The following SLC24A3 variants were observed in gnomAD, a reference collection of about 807,000 sequenced individuals.
SLC24A3 encodes the protein solute carrier family 24 member 3, also known as sodium/potassium/calcium exchanger 3.
SLC24A3 carries 28 observed loss-of-function variants against 75.8 expected under a neutral mutation model. That is an observed-to-expected ratio of 0.37 (90% CI 0.27 to 0.51). The LOEUF is 0.51. Among genes scored for constraint, SLC24A3 ranks in the 20% least tolerant of loss-of-function variants. SLC24A3 has a pLI of 0.94. For missense variants in SLC24A3, 663 were observed against 847.8 expected, an observed-to-expected ratio of 0.78 and a Z score of 2.71; for synonymous variants, 372 against 334.1, an observed-to-expected ratio of 1.11 and a Z score of -1.24.
intron 6 of SLC24A3, among the ~76,000 whole-genome samples, chr20:19,646,852 C>T (rs2328415): frequency 0.66 from 99,231 of 150,816 alleles, 33,240 homozygotes; most frequent in African/African-American, 0.77. Context: ...TGTGTGTGTG[C>T]GTGTGTGTGT....
At chr20:19,562,421 A>G (rs1015470456) in intron 3 of SLC24A3, among the ~76,000 whole-genome samples, 2 of 152,154 alleles carry the variant, frequency 1.3e-5, no homozygotes, top group Admixed American at 6.5e-5. Context: ...CCAGGTACCA[A>G]GGTTTCCCTG....
At chr20:19,279,101 G>A (rs1000655621) in intron 1 of SLC24A3, among the ~76,000 whole-genome samples, 1 of 152,232 alleles carries the variant, frequency 6.6e-6, no homozygotes, top group African/African-American at 2.4e-5. Flanking sequence ...GGTGTTGTGA[G>A]GTTTGAATTC....
intron 6 of SLC24A3, among the ~76,000 whole-genome samples, chr20:19,628,972 CAACA>C (rs937341716): frequency 2.9e-5 from 4 of 138,810 alleles, no homozygotes; most frequent in African/African-American, 5.0e-5. Flanking sequence ...AAAACAACAA[CAACA>C]AACAAACAAA....
chr20:19,341,053 A>G (rs1040962799), intron 2 of SLC24A3, among the ~76,000 whole-genome samples: 3 of 152,210 alleles, frequency 2.0e-5, no homozygotes, highest in Admixed American at 1.3e-4. Flanking sequence ...GGATGAGTGC[A>G]CCAAGGTCTG....
intron 2 of SLC24A3, among the ~76,000 whole-genome samples, chr20:19,491,415 G>A (rs564493165): frequency 6.6e-6 from 1 of 152,316 alleles, no homozygotes; most frequent in Admixed American, 6.5e-5. Context: ...GTGTTCCTGA[G>A]TTGGTTGAAC....
intron 1 of SLC24A3, among the ~76,000 whole-genome samples, chr20:19,248,286 C>T (rs1311097538): frequency 2.0e-5 from 3 of 152,140 alleles, no homozygotes; most frequent in Admixed American, 6.6e-5. Context: ...CCCCGCATCC[C>T]GTTCATCATG....
intron 4 of SLC24A3, among the ~76,000 whole-genome samples, chr20:19,582,482 G>A (rs2031231746): frequency 6.6e-6 from 1 of 152,232 alleles, no homozygotes; most frequent in Admixed American, 6.5e-5. Flanking sequence ...GCAGAAAAAT[G>A]TGGGGTTCAG....
chr20:19,310,096 A>T (rs960538237), intron 2 of SLC24A3, among the ~76,000 whole-genome samples: 3 of 152,216 alleles, frequency 2.0e-5, no homozygotes, highest in Non-Finnish European at 2.9e-5. Flanking sequence ...CGTGGAGTTC[A>T]TTCCATCTTC....
chr20:19,617,997 T>G (rs1456392089), intron 6 of SLC24A3, among the ~76,000 whole-genome samples: 26 of 139,016 alleles, frequency 1.9e-4, no homozygotes, highest in Admixed American at 1.4e-4. Flanking sequence ...TTGTTTTTTG[T>G]TTTTTTTTTC....
intron 4 of SLC24A3, among the ~76,000 whole-genome samples, chr20:19,584,537 G>T (rs1321524800): frequency 6.6e-6 from 1 of 152,114 alleles, no homozygotes; most frequent in African/African-American, 2.4e-5. Flanking sequence ...AGGGAACTGG[G>T]CAATGCTGCC....
At chr20:19,238,589 A>G (rs912630924) in intron 1 of SLC24A3, among the ~76,000 whole-genome samples, 4 of 152,234 alleles carry the variant, frequency 2.6e-5, no homozygotes, top group African/African-American at 9.6e-5. Context: ...ATTTTAAAGC[A>G]AAGTGGATGC....
At chr20:19,582,176 T>C (rs2031227038) in intron 4 of SLC24A3, among the ~76,000 whole-genome samples, 1 of 152,244 alleles carries the variant, frequency 6.6e-6, no homozygotes, top group Non-Finnish European at 1.5e-5. Context: ...AGTTACACTT[T>C]CTCACAAGAT....
chr20:19,705,119 A>G (rs933005074), intron 15 of SLC24A3, among the ~76,000 whole-genome samples: 11 of 152,184 alleles, frequency 7.2e-5, no homozygotes, highest in African/African-American at 2.7e-4. Context: ...GGGTCTGCTT[A>G]TTAATGCTTA....
At chr20:19,451,122 A>T (rs978540289) in intron 2 of SLC24A3, among the ~76,000 whole-genome samples, 3 of 152,232 alleles carry the variant, frequency 2.0e-5, no homozygotes, top group African/African-American at 7.2e-5. Flanking sequence ...GGAACTTATG[A>T]TTTATGTATT....
intron 6 of SLC24A3, among the ~76,000 whole-genome samples, chr20:19,626,036 A>G (rs1474884394): frequency 6.6e-6 from 1 of 152,142 alleles, no homozygotes; most frequent in African/African-American, 2.4e-5. Flanking sequence ...CCACCTGACT[A>G]TGGCTTTATA....
In SLC24A3 at chr20:19,711,334, C is replaced by A. The variant is rs775223674; in HGVS notation, c.1720-6194C>A. On this transcript the variant is annotated intron_variant, in intron 15 of 16. Coordinates refer to ENST00000328041, the MANE Select transcript of SLC24A3 (RefSeq NM_020689.4). ...ATACAAACGCACACACATGCATGCA[C>A]ACGTGCAAACATACCACACACATGC... Among the ~76,000 whole-genome samples the A allele has an allele frequency of 7.7e-4, 117 of 151,516 alleles. 2 individuals carry two copies. Among genetic ancestry groups the A allele is most frequent in the Non-Finnish European group, 7.4e-4 (50 of 67,936 alleles).
At chr20:19,270,871 G>C (rs183702414) in intron 1 of SLC24A3, among the ~76,000 whole-genome samples, 123 of 152,244 alleles carry the variant, frequency 8.1e-4, no homozygotes, top group African/African-American at 2.9e-3. Context: ...ATCAGGTGGG[G>C]TCAGTCAACA....
chr20:19,705,965 CT>C (rs2032925677), intron 15 of SLC24A3, among the ~76,000 whole-genome samples: 1 of 152,196 alleles, frequency 6.6e-6, no homozygotes. Flanking sequence ...TGATGAACGT[CT>C]GTTCCACAAG....
intron 3 of SLC24A3, among the ~76,000 whole-genome samples, chr20:19,530,681 C>T (rs2030280869): frequency 1.3e-5 from 2 of 152,190 alleles, no homozygotes; most frequent in Non-Finnish European, 2.9e-5. Flanking sequence ...AAGCATCCAT[C>T]CCTAGACAGC....
Sources: gnomAD v4.1 joint callset for allele counts (sites outside exome capture counted in the v4.1 genomes callset) on GRCh38, gnomAD v4.1.1 for gene constraint, MANE v1.5 for transcripts, NCBI Gene and HGNC (gene_info 2026-07-23, HGNC 2026-07-21) for gene names.